RELN: variants seen among roughly 807,000 people sequenced by gnomAD.
RELN encodes the protein reelin.
In RELN, 108 loss-of-function variants were observed where a neutral mutation model predicts 427.6. The observed-to-expected ratio is 0.25, with a 90% confidence interval of 0.22 to 0.30. RELN has a LOEUF of 0.30. Ranked by LOEUF, RELN falls within the 10% of genes least tolerant of loss-of-function variation. The pLI, the probability that RELN is intolerant of heterozygous loss-of-function variation, is 1.00. For synonymous variants in RELN, 1,524 were observed against 1,513.4 expected, an observed-to-expected ratio of 1.01 and a Z score of -0.16; for missense variants, 3,715 against 4,302.8, an observed-to-expected ratio of 0.86 and a Z score of 3.82.
intron 16 of RELN, among the ~76,000 whole-genome samples, chr7:103,643,272 C>A (rs2117368864): frequency 6.6e-6 from 1 of 152,210 alleles, no homozygotes; most frequent in East Asian, 1.9e-4. Flanking sequence ...CCCTTCTCCT[C>A]TCTTTCTCCC....
chr7:103,713,167 T>C (rs541334247), intron 8 of RELN, among the ~76,000 whole-genome samples: 3 of 152,304 alleles, frequency 2.0e-5, no homozygotes, highest in Admixed American at 2.0e-4. Flanking sequence ...TACTGAAGGC[T>C]TGAGGAGTGT....
chr7:103,949,285 A>C (rs1015082115), intron 1 of RELN, among the ~76,000 whole-genome samples: 2 of 152,138 alleles, frequency 1.3e-5, no homozygotes, highest in African/African-American at 2.4e-5. Context: ...AAATCTGGAA[A>C]AGCCTGTTGC....
chr7:103,498,381 G>A, intron 53 of RELN, 129 bp from the exon 54 acceptor site: 1 of 818,484 alleles, frequency 1.2e-6, no homozygotes, highest in Admixed American at 2.3e-5. Context: ...TTTCAAAGAT[G>A]TTTAAAAAAG....
intron 6 of RELN, among the ~76,000 whole-genome samples, chr7:103,744,574 A>G (rs960839795): frequency 6.6e-6 from 1 of 152,228 alleles, no homozygotes; most frequent in Non-Finnish European, 1.5e-5. Context: ...AAAAAACGAT[A>G]AAGGGGATAT....
chr7:103,919,355 G>T (rs1363217385), intron 1 of RELN, among the ~76,000 whole-genome samples: 1 of 152,030 alleles, frequency 6.6e-6, no homozygotes, highest in Non-Finnish European at 1.5e-5. Flanking sequence ...TGGAACACTG[G>T]TGGTGAACCC....
intron 2 of RELN, among the ~76,000 whole-genome samples, chr7:103,866,705 C>T (rs942236375): frequency 1.3e-5 from 2 of 151,998 alleles, no homozygotes; most frequent in African/African-American, 2.4e-5. Flanking sequence ...CAAAATAATG[C>T]ACTAATTACT....
In RELN at chr7:103,524,859, T is replaced by G. The variant is rs533414463; in HGVS notation, c.7350-1328A>C. ...CCATAATTTTGCTTGCTCCCCAGCT[T>G]TGGCATGTTCCCCCAGCAGAGTGAT... On this transcript the variant is annotated intron_variant, in intron 46 of 64. Transcript: ENST00000428762. 2.0e-3 allele frequency among the ~76,000 whole-genome samples: 307 copies of G among 152,306 alleles called. 2 individuals are homozygous for G. Among genetic ancestry groups the G allele is most frequent in the African/African-American group, 7.2e-3 (298 of 41,562 alleles).
chr7:103,803,140 A>C (rs1792510186), intron 3 of RELN, among the ~76,000 whole-genome samples: 1 of 151,830 alleles, frequency 6.6e-6, no homozygotes, highest in Admixed American at 6.6e-5. Flanking sequence ...TTCCCCTAAA[A>C]CCCTGTCCAG....
At chr7:103,487,807 C>G (rs750675326) in intron 60 of RELN, among the ~76,000 whole-genome samples, 1 of 152,136 alleles carries the variant, frequency 6.6e-6, no homozygotes, top group African/African-American at 2.4e-5. Flanking sequence ...TATTTTAACT[C>G]GTTGGATTCC....
intron 8 of RELN, among the ~76,000 whole-genome samples, chr7:103,716,596 T>A (rs1789944179): frequency 6.6e-6 from 1 of 152,204 alleles, no homozygotes; most frequent in African/African-American, 2.4e-5. Context: ...CAGATAGTAT[T>A]CAGCACCAAT....
At chr7:103,930,868 A>ATGTGTGTGTGTGTG (rs60265174) in intron 1 of RELN, among the ~76,000 whole-genome samples, 26 of 142,002 alleles carry the variant, frequency 1.8e-4, no homozygotes, top group East Asian at 8.3e-4. Context: ...GTGTGAGCAT[A>ATGTGTGTGTGTGTG]TGTGTGTGTG....
chr7:103,759,848 C>G (rs77770234), intron 4 of RELN, among the ~76,000 whole-genome samples: 3 of 152,000 alleles, frequency 2.0e-5, no homozygotes, highest in Admixed American at 6.5e-5. Context: ...TTTATCCTTA[C>G]GACAGTTTCT....
intron 2 of RELN, among the ~76,000 whole-genome samples, chr7:103,873,832 G>C (rs1197419309): frequency 8.3e-6 from 1 of 119,782 alleles, no homozygotes; most frequent in Admixed American, 8.6e-5. Flanking sequence ...TAGAAAAAGA[G>C]GGAATCCTCC....
chr7:103,748,653 T>C (rs1373890083), intron 6 of RELN, among the ~76,000 whole-genome samples: 1 of 152,240 alleles, frequency 6.6e-6, no homozygotes, highest in Non-Finnish European at 1.5e-5. Flanking sequence ...CAGAAATGAA[T>C]ATCATATGCT....
chr7:103,679,138 G>A (rs10248558), intron 11 of RELN, among the ~76,000 whole-genome samples: 1 of 152,134 alleles, frequency 6.6e-6, no homozygotes, highest in Admixed American at 6.5e-5. Flanking sequence ...TTGGGACCAG[G>A]GGGGAGGGCG....
At chr7:103,740,613 C>A (rs1275941579) in intron 6 of RELN, among the ~76,000 whole-genome samples, 1 of 152,040 alleles carries the variant, frequency 6.6e-6, no homozygotes, top group Non-Finnish European at 1.5e-5. Flanking sequence ...TTATGTTCCT[C>A]ATTTTTTATG....
chr7:103,675,908 C>A (rs201786717), intron 11 of RELN, among the ~76,000 whole-genome samples: 2,988 of 152,080 alleles, frequency 0.02, 110 homozygotes, highest in African/African-American at 0.066. Context: ...TAAAGACTTA[C>A]ATGTTAGACC....
chr7:103,978,257 C>G (rs565689194), intron 1 of RELN, among the ~76,000 whole-genome samples: 1 of 150,786 alleles, frequency 6.6e-6, no homozygotes, highest in South Asian at 2.1e-4. Flanking sequence ...AACTACCATT[C>G]TATTCTCTAC....
In RELN at chr7:103,989,168, G is replaced by C. The variant is rs370805443; in HGVS notation, c.189C>G (p.Gly63=). Residue 63 remains glycine, a synonymous_variant, in exon 1 of 65, where the codon GGC becomes GGG. Transcript: ENST00000428762. The surrounding 1 kb of genome is among the most constrained non-coding windows in gnomAD (Gnocchi z 4.9). ...GEVLISLHIA[G]NPTYYVPGQE... ...GTCCCGGAACGTAGTAGGTGGGGTT[G>C]CCCGCAATATGCAGGGAAATGAGCA... 6.2e-7 allele frequency: 1 copy of C among 1,614,084 alleles called. No homozygotes were observed.
Sources: allele counts gnomAD v4.1 joint callset (sites outside exome capture counted in the v4.1 genomes callset), GRCh38; gene constraint gnomAD v4.1.1; non-coding constraint Gnocchi (gnomAD v3.1); transcripts MANE v1.5; gene names NCBI Gene and HGNC (gene_info 2026-07-23, HGNC 2026-07-21).